GAS6: variants seen among roughly 807,000 people sequenced by gnomAD.
GAS6 encodes the protein growth arrest specific 6.
In GAS6, 41 loss-of-function variants were observed where a neutral mutation model predicts 75.8. That is an observed-to-expected ratio of 0.54 (90% CI 0.42 to 0.70). GAS6 has a LOEUF of 0.70. Among genes scored for constraint, GAS6 ranks in the 30% least tolerant of loss-of-function variants. GAS6 has a pLI of 0.00. For synonymous variants in GAS6, 432 were observed against 412.6 expected (o/e 1.05, Z -0.57); for missense variants, 854 against 940.2 (o/e 0.91, Z 1.20).
intron 8 of GAS6, chr13:113,833,537 G>A (rs1373186269): frequency 1.0e-6 from 1 of 998,742 alleles, no homozygotes; most frequent in Non-Finnish European, 1.2e-6. Context: ...GCCCTGCCCA[G>A]AAACGTCCAC....
chr13:113,841,259 T>TGCCTGTGGCCGGCACAGACACA (rs1221984786), intron 4 of GAS6: 1 of 152,490 alleles, frequency 6.6e-6, no homozygotes, highest in African/African-American at 2.4e-5. Flanking sequence ...TTACAGTCAC[T>TGCCTGTGGCCGGCACAGACACA]GCCTGTGGCC....
intron 2 of GAS6, among the ~76,000 whole-genome samples, chr13:113,850,357 T>C (rs1394007132): frequency 6.6e-6 from 1 of 151,988 alleles, no homozygotes; most frequent in Admixed American, 6.6e-5. Context: ...AGGAGCTCCT[T>C]ATGTACACAC....
chr13:113,847,182 C>T (rs1301368219), intron 3 of GAS6: 5 of 292,526 alleles, frequency 1.7e-5, no homozygotes, highest in African/African-American at 1.1e-4. Flanking sequence ...CGCAGAACGG[C>T]ACGGATGAAC....
At chr13:113,851,849 T>G (rs929330178) in intron 2 of GAS6, among the ~76,000 whole-genome samples, 4 of 152,272 alleles carry the variant, frequency 2.6e-5, no homozygotes, top group African/African-American at 9.6e-5. Context: ...CTGTAATTCC[T>G]CAAGTTTACA....
intron 2 of GAS6, among the ~76,000 whole-genome samples, chr13:113,852,812 C>T (rs755650417): frequency 1.3e-5 from 2 of 152,322 alleles, no homozygotes; most frequent in Non-Finnish European, 2.9e-5. Context: ...GCCACCCATG[C>T]GGCAACCCTA....
intron 14 of GAS6, 183 bp from the exon 15 acceptor site, chr13:113,821,201 G>A: frequency 3.1e-6 from 2 of 639,026 alleles, no homozygotes. Flanking sequence ...ACAAGCAGGA[G>A]GCATCTGCCA....
At chr13:113,831,506 G>A (rs1390483747) in intron 10 of GAS6, among the ~76,000 whole-genome samples, 1 of 152,102 alleles carries the variant, frequency 6.6e-6, no homozygotes, top group Admixed American at 6.6e-5. Flanking sequence ...AAGCAGCCCT[G>A]GCTTCTGTTC....
chr13:113,835,428 T>A (rs2051689622), intron 7 of GAS6, 85 bp downstream of exon 7: 1 of 1,498,900 alleles, frequency 6.7e-7, no homozygotes, highest in African/African-American at 1.4e-5. Context: ...CACCCGGTTG[T>A]TAGCAACCGG....
At chr13:113,861,229 C>T (rs532802334) in intron 2 of GAS6, among the ~76,000 whole-genome samples, 2 of 152,248 alleles carry the variant, frequency 1.3e-5, no homozygotes, top group African/African-American at 4.8e-5. Flanking sequence ...AGGAGCCTGC[C>T]CAGGGGAAAC....
At chr13:113,826,846 C>T in intron 12 of GAS6, 150 bp downstream of exon 12, 1 of 170,798 alleles carries the variant, frequency 5.9e-6, no homozygotes, top group African/African-American at 2.5e-5. Flanking sequence ...GCCCGCACCT[C>T]CGCCCACCCC....
intron 3 of GAS6, chr13:113,847,599 A>T (rs2051844316): frequency 5.3e-6 from 1 of 189,550 alleles, no homozygotes; most frequent in Non-Finnish European, 1.1e-5. Context: ...TTAAACAGAA[A>T]CACTATTCAG....
At position 113,837,063 on chromosome 13, in the gene GAS6, G is replaced by A. The variant is rs771670172; in HGVS notation, c.589+1006C>T. ...GCTTTAGACGTCATCTCTCAGGATC[G>A]GCCTAGTCTTCACCTCTCTTTAAAC... On this transcript the variant is annotated intron_variant, in intron 6 of 14. Coordinates refer to ENST00000327773, the MANE Select transcript of GAS6 (RefSeq NM_000820.4). This position sits in a 1 kb window ranked among gnomAD's most constrained non-coding sequence, Gnocchi z 5.1. Among the ~76,000 whole-genome samples the A allele has an allele frequency of 5.3e-5, 8 of 151,726 alleles. No homozygotes were observed. The highest frequency in any genetic ancestry group is 1.0e-4 in the Non-Finnish European group (7 of 67,914).
At chr13:113,830,144 T>C (rs1053079534) in intron 10 of GAS6, among the ~76,000 whole-genome samples, 1 of 152,244 alleles carries the variant, frequency 6.6e-6, no homozygotes, top group Non-Finnish European at 1.5e-5. Flanking sequence ...TTCAGAAGAA[T>C]ATCCTTCTTC....
chr13:113,854,134 C>A (rs1415865253), intron 2 of GAS6, among the ~76,000 whole-genome samples: 1 of 152,224 alleles, frequency 6.6e-6, no homozygotes, highest in East Asian at 1.9e-4. Context: ...CACCCAGGTG[C>A]GCCCTCCCTT....
At chr13:113,852,360 G>A (rs1214367276) in intron 2 of GAS6, among the ~76,000 whole-genome samples, 1 of 152,200 alleles carries the variant, frequency 6.6e-6, no homozygotes, top group South Asian at 2.1e-4. Flanking sequence ...GGTGTGAACA[G>A]TGGAGCCGGT....
intron 4 of GAS6, chr13:113,841,708 CAGTTTCCTCCATACACCCCA>C: frequency 5.3e-5 from 4 of 75,850 alleles, no homozygotes; most frequent in African/African-American, 2.0e-4. Context: ...TCCATATGCC[CAGTTTCCTCCATACACCCCA>C]CAGTTTCCTC....
chr13:113,857,802 C>T (rs1483362455), intron 2 of GAS6, among the ~76,000 whole-genome samples: 1 of 152,236 alleles, frequency 6.6e-6, no homozygotes, highest in Non-Finnish European at 1.5e-5. Flanking sequence ...CTCTCCGGCT[C>T]GGGTGAGGGT....
chr13:113,824,048 T>G (rs2051497710), intron 12 of GAS6, among the ~76,000 whole-genome samples: 1 of 149,544 alleles, frequency 6.7e-6, no homozygotes, highest in South Asian at 2.1e-4. Context: ...GTCTGGGGTC[T>G]GAGCTGTCAG....
chr13:113,851,074 AATGAGTGGATGG>A (rs1401547717), intron 2 of GAS6, among the ~76,000 whole-genome samples: 1 of 151,470 alleles, frequency 6.6e-6, no homozygotes, highest in Non-Finnish European at 1.5e-5. Flanking sequence ...TGAACAAATG[AATGAGTGGATGG>A]ATGAGTGGGT....
Sources: allele counts gnomAD v4.1 joint callset (sites outside exome capture counted in the v4.1 genomes callset), GRCh38; gene constraint gnomAD v4.1.1; non-coding constraint Gnocchi (gnomAD v3.1); transcripts MANE v1.5; gene names NCBI Gene and HGNC (gene_info 2026-07-23, HGNC 2026-07-21).